IPO11: variants seen among roughly 807,000 people sequenced by gnomAD.
The protein encoded by IPO11 is importin 11, also known as importin-11.
Under a neutral mutation model 143.2 loss-of-function variants are expected in IPO11, and 66 were observed. The ratio of observed to expected loss-of-function variants is 0.46; its 90% CI spans 0.38 to 0.57. The LOEUF is 0.57. Ranked by LOEUF, IPO11 falls within the 20% of genes least tolerant of loss-of-function variation. The probability of loss-of-function intolerance (pLI) is 0.00; values close to 1 mark genes in which losing one functional copy is unlikely to be tolerated. For missense variants in IPO11, 1,026 were observed against 1,141.0 expected (o/e 0.90, Z 1.45); for synonymous variants, 385 against 377.8 (o/e 1.02, Z -0.22).
chr5:62,432,055 C>T (rs920141325), intron 1 of IPO11, among the ~76,000 whole-genome samples: 1 of 152,084 alleles, frequency 6.6e-6, no homozygotes, highest in Non-Finnish European at 1.5e-5. Flanking sequence ...TCACTCAGCC[C>T]GAAAAAACTG....
intron 27 of IPO11, chr5:62,562,000 G>GT (rs879779074): frequency 3.3e-5 from 5 of 152,136 alleles, no homozygotes; most frequent in Non-Finnish European, 7.3e-5. Flanking sequence ...TATACTTTTG[G>GT]TTTAGTCAGC....
chr5:62,506,941 G>T (rs1450857772), intron 19 of IPO11, among the ~76,000 whole-genome samples: 2 of 152,122 alleles, frequency 1.3e-5, no homozygotes, highest in Non-Finnish European at 2.9e-5. Flanking sequence ...TCTGTGATTT[G>T]CATTGTATTA....
rs768352842 is a variant in IPO11 at position 62,484,098 on chromosome 5, C to T, written c.1110C>T (p.Val370=). 1 of 1,611,260 alleles carries T rather than the reference C, an allele frequency of 6.2e-7. No homozygotes were observed. The highest frequency in any genetic ancestry group is 1.1e-5 in the South Asian group (1 of 90,496). The change falls in exon 11 of 30, where the codon GTC becomes GTT. Residue 370 remains valine, a synonymous_variant. Transcript: ENST00000325324. ...TGACAGAGATATGTAGAAGATTAGT[C>T]TCTCATTATTTCCTATTAACTGAAG... ...PTLTEICRRL[V]SHYFLLTEEE...
intron 26 of IPO11, among the ~76,000 whole-genome samples, chr5:62,554,523 T>C (rs1267956959): frequency 1.3e-5 from 2 of 152,154 alleles, no homozygotes; most frequent in African/African-American, 2.4e-5. Context: ...GGCACCATCG[T>C]TGAAGTAACT....
Position 62,579,763 on chromosome 5 carries a change from C to T in IPO11, c.2583-11814C>T. The T allele has an allele frequency of 6.5e-7, 1 of 1,543,614 alleles. No individual in the cohort carries two copies. Among genetic ancestry groups the T allele is most frequent in the Non-Finnish European group, 8.8e-7 (1 of 1,141,622 alleles). On this transcript the variant is annotated intron_variant, in intron 27 of 29. Coordinates refer to ENST00000325324, the MANE Select transcript of IPO11 (RefSeq NM_016338.5). ...TCCAAAAGCCTTTGTTCAATTGAGG[C>T]ATCTATATTTTCTATTTCTAAATAA...
chr5:62,540,942 T>C (rs993907007), intron 24 of IPO11, among the ~76,000 whole-genome samples: 6 of 152,258 alleles, frequency 3.9e-5, no homozygotes, highest in African/African-American at 1.4e-4. Context: ...CTTTACTCTT[T>C]GACCATTTAT....
intron 27 of IPO11, among the ~76,000 whole-genome samples, chr5:62,565,572 C>T (rs1743907653): frequency 6.6e-6 from 1 of 152,174 alleles, no homozygotes; most frequent in South Asian, 2.1e-4. Flanking sequence ...CACTCTTCAT[C>T]ATTCCCCCAC....
In IPO11 at chr5:62,627,690, C is replaced by G. The variant is rs927166193; in HGVS notation, c.*372C>G. On this transcript the variant is annotated 3_prime_UTR_variant, in exon 30 of 30. Transcript: ENST00000325324. ...GAGATGTTTTTCTGCAACCAAAATT[C>G]ATTAAATTTGGCTGCCTTATCCTTT... The G allele has an allele frequency of 6.3e-6, 1 of 157,514 alleles. No homozygotes were observed. The highest frequency in any genetic ancestry group is 1.4e-5 in the Non-Finnish European group (1 of 71,478). The allele number at this position is 157,514 out of a possible 1,614,324, so 9.8% of individuals were successfully genotyped here.
intron 6 of IPO11, 95 bp from the exon 7 acceptor site, chr5:62,470,155 A>G (rs1745716303): frequency 8.3e-7 from 1 of 1,198,066 alleles, no homozygotes; most frequent in Non-Finnish European, 1.2e-6. Flanking sequence ...TTAACCTCCA[A>G]GCTTGATTAA....
In IPO11 at chr5:62,484,238, T is replaced by C. The variant is rs78403587; in HGVS notation, c.1174+76T>C. On this transcript the variant is annotated intron_variant, in intron 11 of 29. Transcript: ENST00000325324. Reference sequence around the variant, plus strand: ...ATATCTGTTTGAGTGATAGGTATAATATTGTATTTTCATACAGCACTTTTG... The same window carrying C: ...ATATCTGTTTGAGTGATAGGTATAACATTGTATTTTCATACAGCACTTTTG... The C allele has an allele frequency of 2.0e-3, 2,451 of 1,223,810 alleles. 46 individuals are homozygous for C. The East Asian group carries it at 0.046, about 23-fold the overall frequency. The allele number at this position is 1,223,810 out of a possible 1,614,324, so 75.8% of individuals were successfully genotyped here.
At chr5:62,572,990 T>C (rs556148037) in intron 27 of IPO11, among the ~76,000 whole-genome samples, 1 of 152,320 alleles carries the variant, frequency 6.6e-6, no homozygotes, top group African/African-American at 2.4e-5. Flanking sequence ...CTATCGTAAA[T>C]TATATACGAA....
At chr5:62,442,210 T>C (rs1744508951) in intron 2 of IPO11, among the ~76,000 whole-genome samples, 1 of 152,204 alleles carries the variant, frequency 6.6e-6, no homozygotes, top group Non-Finnish European at 1.5e-5. Flanking sequence ...TTTTATTTCA[T>C]AGCATGTATT....
At chr5:62,425,009 G>A (rs16890748) in intron 1 of IPO11, among the ~76,000 whole-genome samples, 1,547 of 152,302 alleles carry the variant, frequency 0.01, 24 homozygotes, top group African/African-American at 0.036. Flanking sequence ...AGTGCTGTAA[G>A]GAAGTTCTTA....
intron 5 of IPO11, 97 bp from the exon 6 acceptor site, chr5:62,467,034 G>A: frequency 9.2e-7 from 1 of 1,087,650 alleles, no homozygotes; most frequent in South Asian, 1.7e-5. Context: ...GAAAATGTGT[G>A]CTTAGTTGTA....
At chr5:62,554,193 T>C (rs1445289357) in intron 26 of IPO11, among the ~76,000 whole-genome samples, 1 of 152,260 alleles carries the variant, frequency 6.6e-6, no homozygotes, top group Non-Finnish European at 1.5e-5. Context: ...GTTGGATATA[T>C]AATTTGCAAC....
chr5:62,563,085 T>TG (rs1743825397), intron 27 of IPO11, among the ~76,000 whole-genome samples: 1 of 152,242 alleles, frequency 6.6e-6, no homozygotes, highest in South Asian at 2.1e-4. Flanking sequence ...CAGGTGGACA[T>TG]GCACAAGATG....
chr5:62,503,882 A>C (rs1741447852), intron 16 of IPO11, among the ~76,000 whole-genome samples: 1 of 152,202 alleles, frequency 6.6e-6, no homozygotes, highest in Non-Finnish European at 1.5e-5. Flanking sequence ...GCTATAGTGT[A>C]ACATCTAAGA....
chr5:62,472,529 C>CTT (rs11398365), intron 7 of IPO11, among the ~76,000 whole-genome samples: 145 of 131,154 alleles, frequency 1.1e-3, no homozygotes, highest in Middle Eastern at 4.0e-3. Flanking sequence ...ATATAAAAAT[C>CTT]TTTTTTTTTT....
intron 16 of IPO11, among the ~76,000 whole-genome samples, chr5:62,494,618 C>G (rs1741067321): frequency 6.6e-6 from 1 of 151,922 alleles, no homozygotes; most frequent in South Asian, 2.1e-4. Flanking sequence ...CTCTTCATTG[C>G]TTTTTCCCCC....
Sources: allele counts gnomAD v4.1 joint callset (sites outside exome capture counted in the v4.1 genomes callset), GRCh38; gene constraint gnomAD v4.1.1; transcripts MANE v1.5; gene names NCBI Gene and HGNC (gene_info 2026-07-23, HGNC 2026-07-21).